TAF1D: variants seen among roughly 807,000 people sequenced by gnomAD.
TAF1D encodes TATA-box binding protein associated factor, RNA polymerase I subunit D.
Under a neutral mutation model 26.2 loss-of-function variants are expected in TAF1D, and 23 were observed. That is an observed-to-expected ratio of 0.88 (90% CI 0.63 to 1.25). TAF1D has a LOEUF of 1.25. TAF1D is among the 50% of genes most tolerant of loss of function. The pLI is 0.00. For synonymous variants in TAF1D, 100 were observed against 105.6 expected (o/e 0.95, Z 0.33); for missense variants, 299 against 322.0 (o/e 0.93, Z 0.55).
At position 93,737,969 on chromosome 11, in the gene TAF1D, T is replaced by C. The variant is rs528687399; in HGVS notation, c.459+140A>G. 25 of 856,270 alleles carry C rather than the reference T, an allele frequency of 2.9e-5. No individual in the cohort carries two copies. The African/African-American group carries it at 3.7e-4, about 13-fold the overall frequency. The allele number at this position is 856,270 out of a possible 1,614,324, so 53.0% of individuals were successfully genotyped here. On this transcript the variant is annotated intron_variant, in intron 3 of 5. Transcript: ENST00000448108. The stretch of plus-strand genomic sequence containing the variant: ...TTCAGTTGAAGGATAGGGTGGACTT[T>C]AGGGGTAAGTCAGTATAGAAGAGTA...
Position 93,740,433 on chromosome 11 carries a change from GAAAAAAAAAAAAAAAAAAA to G in TAF1D, c.-28+870_-28+888del, listed in dbSNP as rs59420824. 5.4e-4 allele frequency among the ~76,000 whole-genome samples: 26 copies of G among 48,430 alleles called. No individual in the cohort carries two copies. The East Asian group carries it at 9.1e-3, about 17-fold the overall frequency. 31.8% of individuals were successfully genotyped at this position (48,430 alleles called of 152,430 possible). On this transcript the variant is annotated intron_variant, in intron 1 of 5. Transcript: ENST00000448108. ...ACGACAGAGCAAGACCCTGTCTCAG[GAAAAAAAAAAAAAAAAAAA>G]AAAAAAAAAAAAAAGGCATGGCAAC...
At position 93,736,034 on chromosome 11, in the gene TAF1D, T is replaced by C. The variant is rs1263893226; in HGVS notation, c.*127A>G. The C allele has an allele frequency of 1.4e-6, 2 of 1,434,062 alleles. No individual in the cohort carries two copies. The highest frequency in any genetic ancestry group is 2.6e-5 in the East Asian group (1 of 38,354). 88.8% of individuals were successfully genotyped at this position (1,434,062 alleles called of 1,614,324 possible). A position where few individuals can be genotyped will look rare whatever the true frequency, so the allele number is the denominator to read the frequency against. ...TTCACAGGGTTAAAAATTTTTTTTC[T>C]TGTTATAAAGTTCTGGGTTTCAGAA... On this transcript the variant is annotated 3_prime_UTR_variant, in exon 6 of 6. Coordinates refer to ENST00000448108, the MANE Select transcript of TAF1D (RefSeq NM_024116.4).
downstream of TAF1D, chr11:93,732,762 G>A: frequency 9.2e-6 from 2 of 216,616 alleles, no homozygotes; most frequent in Admixed American, 1.1e-4. Flanking sequence ...CAAGCTCATT[G>A]TTGCTCAAAC....
rs536195414 is a variant in TAF1D, at chr11:93,735,582, C to T, written c.*579G>A. On this transcript the variant is annotated 3_prime_UTR_variant, in exon 6 of 6. Transcript: ENST00000448108. ...GCTACTAAGGAGGCTGAGGCAGAAT[C>T]GCTTGAACCCGGGAGATGGAGGTTG... 16 of 638,708 alleles carry T rather than the reference C, an allele frequency of 2.5e-5. No homozygotes were observed. The East Asian group carries it at 1.8e-3, about 70-fold the overall frequency. 39.6% of individuals were successfully genotyped at this position (638,708 alleles called of 1,614,324 possible).
At position 93,736,581 on chromosome 11, in the gene TAF1D, T is replaced by C. The variant is rs572273001; in HGVS notation, c.693+113A>G. ...TCTTGCATTTCCTGCAGTAAACTTA[T>C]AGAGCTTTTCAAAAGTTAAATGAAG... is the stretch of plus-strand genomic sequence containing the variant. On this transcript the variant is annotated intron_variant, in intron 5 of 5. Coordinates refer to ENST00000448108, the MANE Select transcript of TAF1D (RefSeq NM_024116.4). 5.1e-5 allele frequency: 75 copies of C among 1,475,760 alleles called. 1 individual carries two copies. The highest frequency in any genetic ancestry group is 3.9e-4 in the African/African-American group (27 of 69,156). 91.4% of individuals were successfully genotyped at this position (1,475,760 alleles called of 1,614,324 possible).
At chr11:93,731,086 C>T (rs200866858), downstream of TAF1D, 345 of 518,240 alleles carry the variant, frequency 6.7e-4, 1 homozygote, top group Non-Finnish European at 8.4e-4. Flanking sequence ...TTCTAAAAGC[C>T]TTGGTAATGA....
chr11:93,730,237 C>G, exon 12 of TAF1D: 1 of 1,551,066 alleles, frequency 6.4e-7, no homozygotes. Flanking sequence ...ACAGAAAACA[C>G]TAGAGAAACT....
rs1220889133 is a variant in TAF1D, at chr11:93,741,305, C to T, written c.-28+17G>A. 1 of 456,234 alleles carries T rather than the reference C, an allele frequency of 2.2e-6. No homozygotes were observed. Among genetic ancestry groups the T allele is most frequent in the Non-Finnish European group, 4.4e-6 (1 of 226,962 alleles). The allele number at this position is 456,234 out of a possible 1,614,324, so 28.3% of individuals were successfully genotyped here. A position where few individuals can be genotyped will look rare whatever the true frequency, so the allele number is the denominator to read the frequency against. ...CGCCCGCCAGGCCCGGACGGCCTCGCCCTCTTAGCAACCTACCTAAAACGG... is the reference window on the plus strand; with the variant it reads ...CGCCCGCCAGGCCCGGACGGCCTCGTCCTCTTAGCAACCTACCTAAAACGG... On this transcript the variant is annotated intron_variant, in intron 1 of 5. Coordinates refer to ENST00000448108, the MANE Select transcript of TAF1D (RefSeq NM_024116.4).
chr11:93,736,782 CAG>C (rs760343629), intron 4 of TAF1D, 31 bp from the exon 5 acceptor site: 3 of 1,593,394 alleles, frequency 1.9e-6, no homozygotes, highest in South Asian at 1.1e-5. Flanking sequence ...ATCGAGATGA[CAG>C]AATCTTCGAT....
downstream of TAF1D, chr11:93,733,097 G>T: frequency 5.4e-6 from 2 of 372,256 alleles, no homozygotes; most frequent in East Asian, 6.9e-5. Context: ...CTCTCAACAT[G>T]AATGAGTTCA....
chr11:93,732,237 A>G, downstream of TAF1D: 1 of 477,338 alleles, frequency 2.1e-6, no homozygotes, highest in Non-Finnish European at 4.2e-6. Flanking sequence ...GAAACAGAGA[A>G]TCTTACCTTT....
chr11:93,736,479 G>A lies in TAF1D; in HGVS notation c.694-175C>T. 4.2e-6 allele frequency: 6 copies of A among 1,423,806 alleles called. 1 individual carries two copies. In the South Asian group the frequency reaches 6.4e-5, roughly 15 times the overall value. The allele number at this position is 1,423,806 out of a possible 1,614,324, so 88.2% of individuals were successfully genotyped here. On this transcript the variant is annotated intron_variant, in intron 5 of 5. Coordinates refer to ENST00000448108, the MANE Select transcript of TAF1D (RefSeq NM_024116.4). Reference sequence around the variant, plus strand: ...TTGACATCCTAACTAGCAATAATATGTATCAGAATGCTACTTATTAAAAAT... The same window carrying A: ...TTGACATCCTAACTAGCAATAATATATATCAGAATGCTACTTATTAAAAAT...
intron 1 of TAF1D, among the ~76,000 whole-genome samples, chr11:93,740,359 C>T (rs111690445): frequency 8.6e-5 from 11 of 127,706 alleles, no homozygotes; most frequent in African/African-American, 2.9e-4. Context: ...GCTTAAGCCG[C>T]GGTGGAGGTT....
chr11:93,733,645 A>T (rs758041781), downstream of TAF1D: 4 of 491,414 alleles, frequency 8.1e-6, no homozygotes, highest in Non-Finnish European at 1.2e-5. Context: ...AGGATCTGCC[A>T]TGTCTTTTAA....
At chr11:93,739,066 A>G (rs113404520) in intron 2 of TAF1D, 171 bp downstream of exon 2, 9 of 570,488 alleles carry the variant, frequency 1.6e-5, no homozygotes, top group African/African-American at 1.3e-4. Context: ...TTTTGAATTT[A>G]AAGTATTTGC....
downstream of TAF1D, chr11:93,735,221 A>T: frequency 7.4e-7 from 1 of 1,351,400 alleles, no homozygotes; most frequent in Non-Finnish European, 9.8e-7. Flanking sequence ...GTTAAACAAA[A>T]ACATACATAA....
intron 5 of TAF1D, 75 bp downstream of exon 5, chr11:93,736,619 A>G (rs1033372265): frequency 9.0e-6 from 14 of 1,557,276 alleles, no homozygotes; most frequent in Non-Finnish European, 1.2e-5. Flanking sequence ...TAAGAGAAAA[A>G]CTAAATATAA....
Position 93,738,028 on chromosome 11 carries a change from TGA to T in TAF1D, c.459+79_459+80del, listed in dbSNP as rs1941161676. ...GCAGACAGTCTGTTCCCAGTATATCTGAGACAATTCTAAATTGGCCAACAAAT... is the reference window on the plus strand; with the variant it reads ...GCAGACAGTCTGTTCCCAGTATATCTGACAATTCTAAATTGGCCAACAAAT... On this transcript the variant is annotated intron_variant, in intron 3 of 5. Coordinates refer to ENST00000448108, the MANE Select transcript of TAF1D (RefSeq NM_024116.4). 5 of 1,474,642 alleles carry T rather than the reference TGA, an allele frequency of 3.4e-6. No homozygotes were observed. In the South Asian group the frequency reaches 7.2e-5, roughly 21 times the overall value. 91.3% of individuals were successfully genotyped at this position (1,474,642 alleles called of 1,614,324 possible).
rs1242372896 is a variant in TAF1D at position 93,741,482 on chromosome 11, T to G, written c.-188A>C. 4 of 456,078 alleles carry G rather than the reference T, an allele frequency of 8.8e-6. No individual in the cohort carries two copies. Among genetic ancestry groups the G allele is most frequent in the Non-Finnish European group, 1.8e-5 (4 of 226,924 alleles). The allele number at this position is 456,078 out of a possible 1,614,324, so 28.3% of individuals were successfully genotyped here. ...ATAACCAGCCGACCTCCTCCAACCG[T>G]GCGGAAGAAAAGGGTTGGCTATTTC... On this transcript the variant is annotated 5_prime_UTR_variant, in exon 1 of 6. Transcript: ENST00000448108.
Sources: gnomAD v4.1 joint callset for allele counts (sites outside exome capture counted in the v4.1 genomes callset) on GRCh38, gnomAD v4.1.1 for gene constraint, MANE v1.5 for transcripts, NCBI Gene and HGNC (gene_info 2026-07-23, HGNC 2026-07-21) for gene names.